The following C9 variants were observed in gnomAD, a reference collection of about 807,000 sequenced individuals.
C9 encodes complement component C9.
In C9, 63 loss-of-function variants were observed where a neutral mutation model predicts 65.4. That is an observed-to-expected ratio of 0.96 (90% confidence interval 0.79 to 1.19). The LOEUF (loss-of-function observed/expected upper bound fraction) is 1.19, where lower values mean the gene tolerates loss of function less well. Ranked by LOEUF, C9 falls within the 50% of genes most tolerant of loss-of-function variation. The probability of loss-of-function intolerance (pLI) is 0.00; values close to 1 mark genes in which losing one functional copy is unlikely to be tolerated. For synonymous variants in C9, 229 were observed against 227.9 expected (o/e 1.00, Z -0.04); for missense variants, 744 against 670.1 (o/e 1.11, Z -1.22).
intron 1 of C9, among the ~76,000 whole-genome samples, chr5:39,352,379 T>C (rs1054058938): frequency 1.4e-4 from 21 of 152,356 alleles, no homozygotes; most frequent in African/African-American, 4.1e-4. Context: ...CAACTTCCAA[T>C]TGGACCTTGC....
intron 1 of C9, among the ~76,000 whole-genome samples, chr5:39,350,816 G>C (rs835211): frequency 0.055 from 8,375 of 152,212 alleles, 369 homozygotes; most frequent in African/African-American, 0.12. Context: ...GGTACACAGG[G>C]CAAGTTGGTG....
At chr5:39,337,561 C>T (rs950933381) in intron 4 of C9, among the ~76,000 whole-genome samples, 8 of 152,280 alleles carry the variant, frequency 5.3e-5, no homozygotes, top group African/African-American at 1.7e-4. Flanking sequence ...CCTGCTTTCA[C>T]ACCTGCATCT....
intron 4 of C9, among the ~76,000 whole-genome samples, chr5:39,338,285 T>A (rs1754007248): frequency 6.6e-6 from 1 of 152,130 alleles, no homozygotes; most frequent in Admixed American, 6.6e-5. Flanking sequence ...TTTGTAGTGA[T>A]GTGAGGGAAC....
At position 39,284,872 on chromosome 5, in the gene C9, T is replaced by C. The variant is rs1257061168; in HGVS notation, c.*327A>G. 1 of 343,090 alleles carries C rather than the reference T, an allele frequency of 2.9e-6. No individual in the cohort carries two copies. The allele number at this position is 343,090 out of a possible 1,614,324, so 21.3% of individuals were successfully genotyped here. On this transcript the variant is annotated 3_prime_UTR_variant, in exon 11 of 11. Coordinates refer to ENST00000263408, the MANE Select transcript of C9 (RefSeq NM_001737.5). ...CCATACAAAGCCGTTTGAAAATTACTTTGAAGTTTTTTAAACCAACATTCT... is the reference window on the plus strand; with the variant it reads ...CCATACAAAGCCGTTTGAAAATTACCTTGAAGTTTTTTAAACCAACATTCT...
At chr5:39,285,350 C>T in intron 10 of C9, 117 bp from the exon 11 acceptor site, 1 of 795,746 alleles carries the variant, frequency 1.3e-6, no homozygotes, top group East Asian at 2.5e-5. Flanking sequence ...GCCATACTGT[C>T]TAGGTACTGG....
At chr5:39,343,195 C>T (rs1028433286) in intron 1 of C9, among the ~76,000 whole-genome samples, 3 of 152,194 alleles carry the variant, frequency 2.0e-5, no homozygotes, top group Non-Finnish European at 4.4e-5. Flanking sequence ...ACAGTGGGTG[C>T]AGCCCACTGA....
rs780331795 is a variant in C9, at chr5:39,284,503, T to G, written c.*696A>C. The G allele has an allele frequency of 1.3e-5, 2 of 152,222 alleles. No homozygotes were observed. Among genetic ancestry groups the G allele is most frequent in the Non-Finnish European group, 2.9e-5 (2 of 68,046 alleles). 9.4% of individuals were successfully genotyped at this position (152,222 alleles called of 1,614,324 possible). A position where few individuals can be genotyped will look rare whatever the true frequency, so the allele number is the denominator to read the frequency against. On this transcript the variant is annotated 3_prime_UTR_variant, in exon 11 of 11. Transcript: ENST00000263408. ...AATTTCACATAATTTAAACTAATAG[T>G]TTATGTTCATTCTATTCTGCTACTG...
At chr5:39,358,687 G>T (rs1029657461) in intron 1 of C9, among the ~76,000 whole-genome samples, 6 of 152,022 alleles carry the variant, frequency 3.9e-5, no homozygotes, top group African/African-American at 1.4e-4. Flanking sequence ...TTTGGGATAT[G>T]TTTAAAGATA....
At chr5:39,328,208 A>G (rs1472707379) in intron 5 of C9, among the ~76,000 whole-genome samples, 1 of 152,236 alleles carries the variant, frequency 6.6e-6, no homozygotes, top group Non-Finnish European at 1.5e-5. Context: ...AAGTAAGTAC[A>G]CAGAATAACT....
intron 6 of C9, among the ~76,000 whole-genome samples, chr5:39,312,786 C>A (rs1753508420): frequency 6.6e-6 from 1 of 152,032 alleles, no homozygotes; most frequent in Non-Finnish European, 1.5e-5. Context: ...TATTTTATTT[C>A]TTTTTAAAGG....
In C9 at chr5:39,306,663, T is replaced by C. The variant is rs1001788262; in HGVS notation, c.1370A>G (p.Asn457Ser). ...GTVIDVTDFV[N>S]WASSINDAPV... The stretch of plus-strand genomic sequence containing the variant: ...AGCATCATTTATGGAAGAGGCCCAG[T>C]TGACAAAGTCAGTCACATCAATCAC... Residue 457 changes from asparagine (N) to serine (S), a missense_variant, in exon 9 of 11, where the codon AAC becomes AGC. Asn to Ser is a conservative substitution (Grantham distance 46). Transcript: ENST00000263408. The C allele has an allele frequency of 1.4e-5, 22 of 1,613,740 alleles. No homozygotes were observed. Among genetic ancestry groups the C allele is most frequent in the Non-Finnish European group, 1.7e-5 (20 of 1,179,782 alleles).
chr5:39,292,942 G>T (rs1014505217), intron 9 of C9, among the ~76,000 whole-genome samples: 4 of 151,106 alleles, frequency 2.6e-5, no homozygotes, highest in Non-Finnish European at 5.9e-5. Context: ...ATAACATACT[G>T]AATAAAAAAG....
At chr5:39,290,650 T>TA (rs1561331023) in intron 9 of C9, among the ~76,000 whole-genome samples, 3 of 151,356 alleles carry the variant, frequency 2.0e-5, no homozygotes, top group Non-Finnish European at 1.5e-5. Context: ...AATAAGAAAA[T>TA]AAAAAATCAC....
chr5:39,315,740 C>T (rs1287104567), intron 6 of C9, 35 bp downstream of exon 6: 1 of 1,497,890 alleles, frequency 6.7e-7, no homozygotes, highest in Non-Finnish European at 9.2e-7. Flanking sequence ...AGTTTGGAAC[C>T]TTTCTATATT....
intron 10 of C9, among the ~76,000 whole-genome samples, chr5:39,286,137 T>C (rs375003864): frequency 4.2e-4 from 64 of 152,106 alleles, no homozygotes; most frequent in African/African-American, 1.5e-3. Context: ...AAACACAACA[T>C]ATGGAACCCG....
chr5:39,346,777 A>T (rs1754205821), intron 1 of C9, among the ~76,000 whole-genome samples: 1 of 152,238 alleles, frequency 6.6e-6, no homozygotes, highest in Admixed American at 6.5e-5. Flanking sequence ...CCTCAATAAA[A>T]TACTGGCAAA....
chr5:39,363,745 T>A (rs531531660), intron 1 of C9, among the ~76,000 whole-genome samples: 117 of 152,326 alleles, frequency 7.7e-4, no homozygotes, highest in Middle Eastern at 3.4e-3. Flanking sequence ...GGTGATTTGT[T>A]TCCTGGATGA....
chr5:39,341,189 T>C lies in C9; in HGVS notation c.433A>G (p.Arg145Gly), dbSNP rs375524436. The C allele has an allele frequency of 6.2e-7, 1 of 1,614,228 alleles. No homozygotes were observed. Among genetic ancestry groups the C allele is most frequent in the African/African-American group, 1.3e-5 (1 of 75,074 alleles). ...GCCAGCTCAGACTCTTCTACCACTC[T>C]GTCTCTGCAGGGGGGACGGGGCTCA... ...ESEPRPPCRD[R>G]VVEESELART... Residue 145 changes from arginine (R) to glycine (G), a missense_variant, in exon 4 of 11, where the codon AGA becomes GGA. By Grantham distance (125) the Arg-to-Gly change is moderately radical. Transcript: ENST00000263408.
intron 6 of C9, 152 bp downstream of exon 6, chr5:39,315,623 C>T (rs1046845316): frequency 6.5e-6 from 4 of 615,936 alleles, no homozygotes; most frequent in Non-Finnish European, 8.4e-6. Flanking sequence ...GACTTTTCTC[C>T]AGTTAGTATT....
Sources: allele counts gnomAD v4.1 joint callset (sites outside exome capture counted in the v4.1 genomes callset), GRCh38; gene constraint gnomAD v4.1.1; transcripts MANE v1.5; gene names NCBI Gene and HGNC (gene_info 2026-07-23, HGNC 2026-07-21).